The following YIPF1 variants were observed in gnomAD, a reference collection of about 807,000 sequenced individuals.
YIPF1 encodes the protein Yip1 domain family member 1.
In YIPF1, 22 loss-of-function variants were observed where a neutral mutation model predicts 37.0. The ratio of observed to expected loss-of-function variants is 0.59; its 90% CI spans 0.42 to 0.85. The LOEUF is 0.85. YIPF1 is among the 40% of genes least tolerant of loss of function. YIPF1 has a pLI of 0.00. For synonymous variants in YIPF1, 128 were observed against 131.9 expected (o/e 0.97, Z 0.21); for missense variants, 355 against 373.1 (o/e 0.95, Z 0.40).
At chr1:53,881,244 CAAAAAA>C (rs747288925) in intron 4 of YIPF1, among the ~76,000 whole-genome samples, 10,321 of 96,270 alleles carry the variant, frequency 0.11, 557 homozygotes, top group Middle Eastern at 0.16. Flanking sequence ...GACTCCATCT[CAAAAAA>C]AAAAAAAAAA....
chr1:53,881,244 C>CAAAAAAAAAAA (rs747288925), intron 4 of YIPF1, among the ~76,000 whole-genome samples: 2 of 96,246 alleles, frequency 2.1e-5, no homozygotes, highest in Non-Finnish European at 4.1e-5. Flanking sequence ...GACTCCATCT[C>CAAAAAAAAAAA]AAAAAAAAAA....
At chr1:53,885,072 T>G (rs947522896) in intron 3 of YIPF1, among the ~76,000 whole-genome samples, 1 of 152,314 alleles carries the variant, frequency 6.6e-6, no homozygotes, top group East Asian at 1.9e-4. Context: ...TTGTTCAAGG[T>G]AAGACTCTTA....
chr1:53,882,177 A>G (rs1650518952), intron 4 of YIPF1, among the ~76,000 whole-genome samples: 1 of 152,102 alleles, frequency 6.6e-6, no homozygotes, highest in Non-Finnish European at 1.5e-5. Flanking sequence ...ACATGGACAC[A>G]TGGGAGGGGG....
intron 6 of YIPF1, among the ~76,000 whole-genome samples, chr1:53,874,579 C>A (rs552433368): frequency 6.6e-6 from 1 of 151,978 alleles, no homozygotes; most frequent in African/African-American, 2.4e-5. Context: ...CCAGCCTGGC[C>A]AACATGGTAA....
At chr1:53,852,766 T>C (rs1029880577) in intron 10 of YIPF1, among the ~76,000 whole-genome samples, 1 of 140,420 alleles carries the variant, frequency 7.1e-6, no homozygotes, top group Admixed American at 7.0e-5. Context: ...ATTTTGTTAT[T>C]TGGGCAATAG....
Position 53,857,061 on chromosome 1 carries a change from C to T in YIPF1, c.*8+2995G>A, listed in dbSNP as rs192952154. Among the ~76,000 whole-genome samples the T allele has an allele frequency of 1.7e-4, 26 of 152,304 alleles. No individual in the cohort carries two copies. In the East Asian group the frequency reaches 4.6e-3, roughly 27 times the overall value. Reference sequence around the variant, plus strand: ...GTGAGTGATCATACAGAGAGGCCCACGTGGCAAGCAACTGAGGGTGGTCTC... The same window carrying T: ...GTGAGTGATCATACAGAGAGGCCCATGTGGCAAGCAACTGAGGGTGGTCTC... On this transcript the variant is annotated intron_variant, in intron 10 of 10. Coordinates refer to ENST00000072644, the MANE Select transcript of YIPF1 (RefSeq NM_018982.5).
intron 6 of YIPF1, among the ~76,000 whole-genome samples, chr1:53,872,836 C>G (rs1295075028): frequency 1.3e-5 from 2 of 152,174 alleles, no homozygotes; most frequent in African/African-American, 2.4e-5. Flanking sequence ...CAAACTGCCT[C>G]TTTACTCACT....
At chr1:53,867,969 TA>T (rs1650077622) in intron 7 of YIPF1, among the ~76,000 whole-genome samples, 3 of 152,232 alleles carry the variant, frequency 2.0e-5, no homozygotes, top group South Asian at 4.1e-4. Flanking sequence ...GTCATAAAGT[TA>T]TAGGTAAGCC....
At chr1:53,869,959 G>A (rs1384681034) in intron 7 of YIPF1, among the ~76,000 whole-genome samples, 1 of 143,624 alleles carries the variant, frequency 7.0e-6, no homozygotes, top group Non-Finnish European at 1.5e-5. Context: ...TGCAACCTCC[G>A]CCTCCTGGGT....
intron 10 of YIPF1, among the ~76,000 whole-genome samples, chr1:53,858,398 A>C (rs893866784): frequency 6.6e-6 from 1 of 152,198 alleles, no homozygotes; most frequent in African/African-American, 2.4e-5. Flanking sequence ...ATCAAGGTAA[A>C]GTCAGTGGGA....
intron 3 of YIPF1, among the ~76,000 whole-genome samples, chr1:53,888,617 G>A (rs1301228803): frequency 1.3e-5 from 2 of 152,204 alleles, no homozygotes; most frequent in Non-Finnish European, 2.9e-5. Flanking sequence ...CACAAAGTAA[G>A]TGCTCAATAA....
At chr1:53,885,200 A>T (rs1650612868) in intron 3 of YIPF1, among the ~76,000 whole-genome samples, 1 of 152,246 alleles carries the variant, frequency 6.6e-6, no homozygotes, top group South Asian at 2.1e-4. Context: ...ATGATGAAAT[A>T]ATAACTATCA....
chr1:53,872,119 A>G (rs1249944317), intron 6 of YIPF1, among the ~76,000 whole-genome samples: 1 of 151,954 alleles, frequency 6.6e-6, no homozygotes, highest in South Asian at 2.1e-4. Flanking sequence ...TAAAATTAAA[A>G]ATTAAAAAAA....
rs1201932805 is a variant in YIPF1 at position 53,866,400 on chromosome 1, G to A, written c.649-18C>T. ...CACAGTATCTGAAAGAAGAGAAAAGGAGGAGCGGGGAGTTCTTGGGAGGCA... is the reference window on the plus strand; with the variant it reads ...CACAGTATCTGAAAGAAGAGAAAAGAAGGAGCGGGGAGTTCTTGGGAGGCA... On this transcript the variant is annotated intron_variant, in intron 8 of 10. Coordinates refer to ENST00000072644, the MANE Select transcript of YIPF1 (RefSeq NM_018982.5). 6.2e-6 allele frequency: 10 copies of A among 1,610,062 alleles called. No homozygotes were observed. The Admixed American group carries it at 6.7e-5, about 11-fold the overall frequency.
chr1:53,889,202 CT>C (rs1019385760), intron 2 of YIPF1, 41 bp downstream of exon 2: 26 of 394,354 alleles, frequency 6.6e-5, no homozygotes, highest in African/African-American at 5.0e-4. Flanking sequence ...CCAATTCAAC[CT>C]TATTTGGTTG....
chr1:53,887,600 A>C (rs573945120), intron 3 of YIPF1, among the ~76,000 whole-genome samples: 3 of 152,114 alleles, frequency 2.0e-5, no homozygotes, highest in Admixed American at 2.0e-4. Flanking sequence ...GTCAGATGCT[A>C]GATGAATTTT....
At chr1:53,873,266 G>A (rs1650241096) in intron 6 of YIPF1, among the ~76,000 whole-genome samples, 1 of 152,172 alleles carries the variant, frequency 6.6e-6, no homozygotes, top group Admixed American at 6.5e-5. Context: ...GGAGCATATA[G>A]GGAAGGTGGA....
intron 7 of YIPF1, among the ~76,000 whole-genome samples, chr1:53,869,390 C>T (rs1650118831): frequency 6.6e-6 from 1 of 151,988 alleles, no homozygotes; most frequent in Non-Finnish European, 1.5e-5. Flanking sequence ...TGGTACAAAC[C>T]ACTATTCTAA....
intron 2 of YIPF1, 125 bp downstream of exon 2, chr1:53,889,119 T>C: frequency 2.0e-6 from 1 of 491,202 alleles, no homozygotes; most frequent in Non-Finnish European, 3.7e-6. Context: ...TATATAAAGA[T>C]AACCACTAAG....
Sources: allele counts gnomAD v4.1 joint callset (sites outside exome capture counted in the v4.1 genomes callset), GRCh38; gene constraint gnomAD v4.1.1; transcripts MANE v1.5; gene names NCBI Gene and HGNC (gene_info 2026-07-23, HGNC 2026-07-21).